PCM1: variants seen among roughly 807,000 people sequenced by gnomAD.
PCM1 encodes pericentriolar material 1.
A neutral mutation model predicts 241.9 loss-of-function variants in PCM1; 157 were observed. The observed-to-expected ratio is 0.65, with a 90% CI of 0.57 to 0.74. The LOEUF (loss-of-function observed/expected upper bound fraction) is 0.74. Ranked by LOEUF, PCM1 falls within the 30% of genes least tolerant of loss-of-function variation. PCM1 has a pLI of 0.00. For synonymous variants in PCM1, 1,085 were observed against 784.9 expected, an observed-to-expected ratio of 1.38 and a Z score of -6.39; for missense variants, 3,478 against 2,360.1, an observed-to-expected ratio of 1.47 and a Z score of -9.81.
At position 17,962,733 on chromosome 8, in the gene PCM1, T is replaced by C. The variant is rs558459692; in HGVS notation, c.2464-368T>C. ...GGTCAACGTGGTGAAACCCTATCTC[T>C]ACTAAAAAATACAAAAAAAATTAGC... is the stretch of plus-strand genomic sequence containing the variant. On this transcript the variant is annotated intron_variant, in intron 16 of 38. Coordinates refer to ENST00000325083, the MANE Select transcript of PCM1 (RefSeq NM_006197.4). Among the ~76,000 whole-genome samples, 3 of 151,982 alleles carry C rather than the reference T, an allele frequency of 2.0e-5. No individual in the cohort carries two copies. In the East Asian group the frequency reaches 5.8e-4, roughly 29 times the overall value.
At chr8:18,026,459 A>G (rs1192120715) in intron 38 of PCM1, among the ~76,000 whole-genome samples, 2 of 151,172 alleles carry the variant, frequency 1.3e-5, no homozygotes, top group East Asian at 2.0e-4. Flanking sequence ...ACGGGGTTTC[A>G]CCAAGTTACT....
rs75008804 is a variant in PCM1, at chr8:17,951,438, A to G, written c.1071+714A>G. On this transcript the variant is annotated intron_variant, in intron 8 of 38. Coordinates refer to ENST00000325083, the MANE Select transcript of PCM1 (RefSeq NM_006197.4). Reference sequence around the variant, plus strand: ...GGGCCTACTTTAGAGAAACTCTCACATGTTCAGAAGGAGGTAGATGGAAGA... The same window carrying G: ...GGGCCTACTTTAGAGAAACTCTCACGTGTTCAGAAGGAGGTAGATGGAAGA... Among the ~76,000 whole-genome samples the G allele has an allele frequency of 2.6e-3, 389 of 152,324 alleles. 3 individuals carry two copies. The highest frequency in any genetic ancestry group is 9.1e-3 in the African/African-American group (377 of 41,574).
chr8:17,955,810 G>A, intron 10 of PCM1, 157 bp downstream of exon 10: 1 of 641,804 alleles, frequency 1.6e-6, no homozygotes, highest in Non-Finnish European at 2.7e-6. Flanking sequence ...TGTTGTGTGG[G>A]CATAATTTGA....
chr8:18,006,273 A>G lies in PCM1; in HGVS notation c.4838A>G (p.Asp1613Gly), dbSNP rs1168603367. ...EVIPFLKEHMDEVCSSQLLTS... is the reference protein window; with the variant it reads ...EVIPFLKEHMGEVCSSQLLTS... ...TAGGATTTTTCTCAGGAGCACATGG[A>G]TGAAGTATGCTCCTCGCAGCTTCTA... Residue 1613 changes from aspartate (D) to glycine (G), a missense_variant, in exon 30 of 39, where the codon GAT becomes GGT. By Grantham distance (94) the Asp-to-Gly change is moderately conservative. Coordinates refer to ENST00000325083, the MANE Select transcript of PCM1 (RefSeq NM_006197.4). 1.2e-6 allele frequency: 2 copies of G among 1,608,036 alleles called. No individual in the cohort carries two copies. Among genetic ancestry groups the G allele is most frequent in the South Asian group, 2.2e-5 (2 of 90,314 alleles).
chr8:18,019,477 G>A (rs1446573894), intron 36 of PCM1, among the ~76,000 whole-genome samples: 1 of 152,028 alleles, frequency 6.6e-6, no homozygotes, highest in Non-Finnish European at 1.5e-5. Flanking sequence ...AATGAAATTG[G>A]TATACAACTC....
At chr8:17,929,317 G>C (rs75936266) in intron 2 of PCM1, among the ~76,000 whole-genome samples, 5 of 152,132 alleles carry the variant, frequency 3.3e-5, no homozygotes, top group Admixed American at 2.6e-4. Context: ...GTGTATTAGC[G>C]TGTCCTTTTC....
At position 17,986,322 on chromosome 8, in the gene PCM1, C is replaced by T. The variant is rs117701329; in HGVS notation, c.4410+235C>T. On this transcript the variant is annotated intron_variant, in intron 26 of 38. Transcript: ENST00000325083. ...TGATAGATTATGAGGTCTGAGATAG[C>T]CATATTTATGTTGTTATTACCCAGT... 9.8e-3 allele frequency: 2,720 copies of T among 278,396 alleles called. 31 individuals carry two copies. Among genetic ancestry groups the T allele is most frequent in the Non-Finnish European group, 0.012 (1,790 of 150,320 alleles). The allele number at this position is 278,396 out of a possible 1,614,324, so 17.2% of individuals were successfully genotyped here.
chr8:17,984,210 C>T (rs1472497197), intron 24 of PCM1, among the ~76,000 whole-genome samples: 3 of 151,946 alleles, frequency 2.0e-5, no homozygotes, highest in African/African-American at 4.8e-5. Context: ...TTAAATATGT[C>T]ATTAAACAGT....
chr8:17,978,964 T>A (rs921375569), intron 23 of PCM1, among the ~76,000 whole-genome samples: 7 of 152,102 alleles, frequency 4.6e-5, no homozygotes, highest in Admixed American at 4.6e-4. Flanking sequence ...CTCATGAGAA[T>A]TTGAAGTAAA....
chr8:17,956,617 G>T lies in PCM1; in HGVS notation c.1486G>T (p.Val496Phe). 6.3e-7 allele frequency: 1 copy of T among 1,590,834 alleles called. No individual in the cohort carries two copies. The highest frequency in any genetic ancestry group is 8.6e-7 in the Non-Finnish European group (1 of 1,166,800). The change falls in exon 11 of 39, where the codon GTT becomes TTT. Residue 496 changes from valine to phenylalanine, a missense_variant. Coordinates refer to ENST00000325083, the MANE Select transcript of PCM1 (RefSeq NM_006197.4). ...TTTGTTTATCAGGAAGTTAAATGAA[G>T]TTCGAAAGAGATTGAATGAGCTAAG... ...PSEKLQKLNEVRKRLNELREL... is the reference protein window; with the variant it reads ...PSEKLQKLNEFRKRLNELREL...
At position 18,013,848 on chromosome 8, in the gene PCM1, T is replaced by C. The variant is rs1237329856; in HGVS notation, c.5512-116T>C. On this transcript the variant is annotated intron_variant, in intron 34 of 38. Coordinates refer to ENST00000325083, the MANE Select transcript of PCM1 (RefSeq NM_006197.4). ...CCTTGAAATAGTTTTAGAAGATACT[T>C]TTAAATTTCTTTGTATGAAGGTCTT... is the stretch of plus-strand genomic sequence containing the variant. 3 of 646,940 alleles carry C rather than the reference T, an allele frequency of 4.6e-6. No individual in the cohort carries two copies. The African/African-American group carries it at 5.8e-5, about 12-fold the overall frequency. 40.1% of individuals were successfully genotyped at this position (646,940 alleles called of 1,614,324 possible).
chr8:17,943,248 A>G (rs180783914), intron 6 of PCM1, among the ~76,000 whole-genome samples: 1 of 145,910 alleles, frequency 6.9e-6, no homozygotes, highest in East Asian at 2.0e-4. Flanking sequence ...GTATTTTGGC[A>G]GTTTTTTTAT....
chr8:17,934,372 C>G (rs952903357), intron 2 of PCM1, among the ~76,000 whole-genome samples: 1 of 151,972 alleles, frequency 6.6e-6, no homozygotes, highest in African/African-American at 2.4e-5. Context: ...AGCCATACTC[C>G]TGCCTCAGCC....
rs35731782 is a variant in PCM1 at position 18,028,316 on chromosome 8, TATC to T, written c.*658_*660del. ...TCTCAGTATCTAGAACTTACATCAT[TATC>T]ATCTGTTTGTTAGGATTTGAAATTC... is the stretch of plus-strand genomic sequence containing the variant. On this transcript the variant is annotated 3_prime_UTR_variant, in exon 39 of 39. Coordinates refer to ENST00000325083, the MANE Select transcript of PCM1 (RefSeq NM_006197.4). 0.77 allele frequency: 146,103 copies of T among 189,736 alleles called. 56,960 individuals are homozygous for T. Among genetic ancestry groups the T allele is most frequent in the African/African-American group, 0.85 (36,534 of 42,938 alleles). The allele number at this position is 189,736 out of a possible 1,614,324, so 11.8% of individuals were successfully genotyped here. A position where few individuals can be genotyped will look rare whatever the true frequency, so the allele number is the denominator to read the frequency against.
intron 7 of PCM1, among the ~76,000 whole-genome samples, chr8:17,947,579 C>T (rs1280686125): frequency 6.6e-6 from 1 of 152,160 alleles, no homozygotes; most frequent in Non-Finnish European, 1.5e-5. Context: ...ATAGCCAGAT[C>T]TCTCTCCTTT....
chr8:18,019,114 T>C (rs2093553447), intron 36 of PCM1, among the ~76,000 whole-genome samples: 1 of 152,008 alleles, frequency 6.6e-6, no homozygotes, highest in Non-Finnish European at 1.5e-5. Context: ...AGTTCTCTGC[T>C]TATACCTGGA....
At chr8:17,940,318 C>G (rs2061647096) in intron 6 of PCM1, among the ~76,000 whole-genome samples, 1 of 152,182 alleles carries the variant, frequency 6.6e-6, no homozygotes, top group Non-Finnish European at 1.5e-5. Context: ...TGTATTTAAA[C>G]ACGGAAGTTA....
Position 17,957,283 on chromosome 8 carries a change from A to T in PCM1, c.1666A>T (p.Thr556Ser), listed in dbSNP as rs374948139. 151 of 1,593,776 alleles carry T rather than the reference A, an allele frequency of 9.5e-5. No individual in the cohort carries two copies. Among genetic ancestry groups the T allele is most frequent in the Non-Finnish European group, 1.2e-4 (146 of 1,168,498 alleles). ...TNIRNPQVAS[T>S]WNEVNSHSNA... ...TTCTAGAAATCCACAAGTAGCTTCC[A>T]CTTGGAATGAAGTAAATAGTCATAG... Residue 556 changes from threonine (T) to serine (S), a missense_variant, in exon 12 of 39, where the codon ACT (threonine) becomes TCT (serine). Transcript: ENST00000325083.
At chr8:17,968,992 A>G (rs1242266394) in intron 21 of PCM1, among the ~76,000 whole-genome samples, 1 of 152,032 alleles carries the variant, frequency 6.6e-6, no homozygotes, top group Non-Finnish European at 1.5e-5. Context: ...TCTTCTTAAC[A>G]GTACAATTTT....
Sources: gnomAD v4.1 joint callset for allele counts (sites outside exome capture counted in the v4.1 genomes callset) on GRCh38, gnomAD v4.1.1 for gene constraint, MANE v1.5 for transcripts, NCBI Gene and HGNC (gene_info 2026-07-23, HGNC 2026-07-21) for gene names.